Variants in PCDHA4 observed in about 807,000 individuals in gnomAD.
PCDHA4 encodes the protein protocadherin alpha 4.
Under a neutral mutation model 61.4 loss-of-function variants are expected in PCDHA4, and 49 were observed. The ratio of observed to expected loss-of-function variants is 0.80; its 90% CI spans 0.63 to 1.01. The LOEUF is 1.01. PCDHA4 is among the 50% of genes least tolerant of loss of function. The pLI is 0.00. For missense variants in PCDHA4, 1,254 were observed against 1,235.8 expected, an observed-to-expected ratio of 1.01 and a Z score of -0.22; for synonymous variants, 590 against 550.3, an observed-to-expected ratio of 1.07 and a Z score of -1.01.
Position 140,932,248 on chromosome 5 carries a change from T to C in PCDHA4, c.2386-46701T>C, listed in dbSNP as rs1424091954. Among the ~76,000 whole-genome samples the C allele has an allele frequency of 2.6e-5, 4 of 152,016 alleles. No individual in the cohort carries two copies. In the East Asian group the frequency reaches 7.7e-4, roughly 29 times the overall value. On this transcript the variant is annotated intron_variant, in intron 1 of 3. Coordinates refer to ENST00000530339, the MANE Select transcript of PCDHA4 (RefSeq NM_018907.4). ...TTTTTTAGAATGGTATCTAAGAGGG[T>C]ACCTCTGAGATATAAATTTCTACTT... is the stretch of plus-strand genomic sequence containing the variant.
intron 1 of PCDHA4, among the ~76,000 whole-genome samples, chr5:140,895,618 T>C (rs569188891): frequency 1.1e-4 from 16 of 152,206 alleles, no homozygotes; most frequent in African/African-American, 3.9e-4. Context: ...TCATTGAGGG[T>C]GTTGTCTTTT....
chr5:140,828,266 C>T, intron 1 of PCDHA4: 1 of 1,614,048 alleles, frequency 6.2e-7, no homozygotes, highest in Non-Finnish European at 8.5e-7. Context: ...GCTGGCGGAG[C>T]TGGTGCCGCG....
chr5:140,812,494 G>T (rs2126639438), intron 1 of PCDHA4: 1 of 151,910 alleles, frequency 6.6e-6, no homozygotes, highest in East Asian at 1.9e-4. Context: ...CTTTATTATA[G>T]TATTTCCTCC....
At chr5:140,886,155 T>A (rs528104847) in intron 1 of PCDHA4, among the ~76,000 whole-genome samples, 1 of 152,330 alleles carries the variant, frequency 6.6e-6, no homozygotes, top group South Asian at 2.1e-4. Flanking sequence ...CACCTTTTTA[T>A]AGCCACATCT....
At chr5:140,884,143 G>C (rs782116778) in intron 1 of PCDHA4, 1 of 1,613,438 alleles carries the variant, frequency 6.2e-7, no homozygotes. Context: ...TCCGCGTGGG[G>C]CTGTACACTG....
chr5:140,847,561 C>T (rs2150401906), intron 1 of PCDHA4: 1 of 148,992 alleles, frequency 6.7e-6, no homozygotes, highest in Non-Finnish European at 1.5e-5. Flanking sequence ...CAGAAATTGC[C>T]CCGAGTACTA....
intron 1 of PCDHA4, chr5:140,850,667 G>A (rs2150492921): frequency 2.5e-6 from 4 of 1,598,380 alleles, no homozygotes; most frequent in East Asian, 2.2e-5. Flanking sequence ...TGCGGTGCTC[G>A]GCGATGCCCA....
intron 1 of PCDHA4, chr5:140,817,261 G>A (rs1417555256): frequency 6.6e-6 from 1 of 152,206 alleles, no homozygotes. Context: ...ATTTCCCCCT[G>A]TTTGAATGGA....
chr5:140,835,890 G>A (rs147416989), intron 1 of PCDHA4: 18 of 1,611,850 alleles, frequency 1.1e-5, no homozygotes, highest in Non-Finnish European at 1.4e-5. Context: ...GGGCGAGCGC[G>A]CGCTGTCGAG....
intron 1 of PCDHA4, chr5:140,928,289 G>C (rs1554205708): frequency 6.2e-7 from 1 of 1,614,170 alleles, no homozygotes; most frequent in Non-Finnish European, 8.5e-7. Flanking sequence ...TCTCTAGGCC[G>C]AGTGTTTGCC....
Position 140,835,938 on chromosome 5 carries a change from G to C in PCDHA4, c.2385+26366G>C, listed in dbSNP as rs1298713019. The C allele has an allele frequency of 3.7e-6, 6 of 1,612,516 alleles. No individual in the cohort carries two copies. The South Asian group carries it at 6.6e-5, about 18-fold the overall frequency. On this transcript the variant is annotated intron_variant, in intron 1 of 3. Coordinates refer to ENST00000530339, the MANE Select transcript of PCDHA4 (RefSeq NM_018907.4). The stretch of plus-strand genomic sequence containing the variant: ...GCACGCGGAGAGCGGCAAGGTGTAC[G>C]CGCTGCAGCCGTTGGACCACGAGGA...
At chr5:140,833,124 A>G (rs1436920350) in intron 1 of PCDHA4, among the ~76,000 whole-genome samples, 1 of 152,250 alleles carries the variant, frequency 6.6e-6, no homozygotes, top group Non-Finnish European at 1.5e-5. Flanking sequence ...AGTCATTTGA[A>G]AGCTGTCAAA....
intron 1 of PCDHA4, chr5:140,869,485 G>A: frequency 6.2e-7 from 1 of 1,614,158 alleles, no homozygotes; most frequent in Non-Finnish European, 8.5e-7. Context: ...GGACATTAAC[G>A]ACAACCCGCC....
intron 1 of PCDHA4, chr5:140,814,776 G>T (rs1400006527): frequency 2.0e-5 from 3 of 152,064 alleles, no homozygotes; most frequent in African/African-American, 4.8e-5. Context: ...GTCTGTTATT[G>T]GTTGAAACGT....
intron 1 of PCDHA4, chr5:140,861,426 T>A (rs1451953787): frequency 2.1e-6 from 1 of 485,412 alleles, no homozygotes; most frequent in Non-Finnish European, 4.2e-6. Context: ...CCTGTTTCAG[T>A]TGGATTCCAA....
chr5:140,848,454 G>T, intron 1 of PCDHA4: 1 of 1,522,346 alleles, frequency 6.6e-7, no homozygotes, highest in Non-Finnish European at 8.9e-7. Context: ...CTTCTAATTT[G>T]GAGGCAATTT....
chr5:140,836,169 G>T (rs1386598071), intron 1 of PCDHA4: 1 of 1,613,722 alleles, frequency 6.2e-7, no homozygotes, highest in East Asian at 2.2e-5. Flanking sequence ...GAAGGTACGT[G>T]CAGTTGACGC....
chr5:140,895,523 C>T (rs2065044928), intron 1 of PCDHA4, among the ~76,000 whole-genome samples: 1 of 152,068 alleles, frequency 6.6e-6, no homozygotes, highest in South Asian at 2.1e-4. Flanking sequence ...TTGGTTTATT[C>T]GTTTTTCAAT....
chr5:141,011,122 A>G lies in PCDHA4; in HGVS notation c.*1185A>G, dbSNP rs1554263297. On this transcript the variant is annotated 3_prime_UTR_variant, in exon 4 of 4. Transcript: ENST00000530339. ...TCTCTCTCTTTTCTAAGAAACAATT[A>G]TGTGCACTTTGATACACAACCTTCT... 1 of 153,686 alleles carries G rather than the reference A, an allele frequency of 6.5e-6. No homozygotes were observed. Among genetic ancestry groups the G allele is most frequent in the Non-Finnish European group, 1.5e-5 (1 of 68,034 alleles). 9.5% of individuals were successfully genotyped at this position (153,686 alleles called of 1,614,324 possible).
Sources: gnomAD v4.1 joint callset for allele counts (sites outside exome capture counted in the v4.1 genomes callset) on GRCh38, gnomAD v4.1.1 for gene constraint, MANE v1.5 for transcripts, NCBI Gene and HGNC (gene_info 2026-07-23, HGNC 2026-07-21) for gene names.